Variants in EXOC6B observed in about 807,000 individuals in gnomAD.
EXOC6B encodes the protein exocyst complex component 6B, also known as SEC15 homolog B.
A neutral mutation model predicts 113.5 loss-of-function variants in EXOC6B; 54 were observed. The ratio of observed to expected loss-of-function variants is 0.48; its 90% CI spans 0.38 to 0.60. The LOEUF is 0.60. EXOC6B is among the 20% of genes least tolerant of loss of function. The pLI is 0.00. For synonymous variants in EXOC6B, 357 were observed against 339.0 expected (o/e 1.05, Z -0.58); for missense variants, 797 against 977.5 (o/e 0.82, Z 2.46).
chr2:72,587,820 GCAA>G (rs1158139466), intron 6 of EXOC6B, among the ~76,000 whole-genome samples: 1 of 151,396 alleles, frequency 6.6e-6, no homozygotes, highest in Non-Finnish European at 1.5e-5. Flanking sequence ...TTCCTTAAAT[GCAA>G]CAACAACAAC....
chr2:72,485,400 T>G (rs371023289), intron 16 of EXOC6B, among the ~76,000 whole-genome samples: 14 of 152,314 alleles, frequency 9.2e-5, no homozygotes, highest in African/African-American at 2.6e-4. Context: ...AGTCACACTC[T>G]TCTTCATGCC....
At chr2:72,433,337 G>A (rs1357779602) in intron 18 of EXOC6B, among the ~76,000 whole-genome samples, 1 of 152,150 alleles carries the variant, frequency 6.6e-6, no homozygotes, top group Non-Finnish European at 1.5e-5. Flanking sequence ...AAGTCAGGTA[G>A]TGTGATGCCT....
At chr2:72,441,456 AC>A (rs1006349203) in intron 18 of EXOC6B, among the ~76,000 whole-genome samples, 1 of 151,380 alleles carries the variant, frequency 6.6e-6, no homozygotes, top group Non-Finnish European at 1.5e-5. Context: ...AAATAAAGAA[AC>A]TTTTTTTGAA....
At chr2:72,254,079 G>A (rs1683192802) in intron 20 of EXOC6B, among the ~76,000 whole-genome samples, 1 of 151,906 alleles carries the variant, frequency 6.6e-6, no homozygotes. Context: ...AGAATGGTGT[G>A]AACCCAGGAG....
chr2:72,370,489 T>G (rs1282227889), intron 19 of EXOC6B, among the ~76,000 whole-genome samples: 2 of 152,192 alleles, frequency 1.3e-5, no homozygotes, highest in Non-Finnish European at 2.9e-5. Context: ...AAATACCATT[T>G]GACCCAGCCA....
At chr2:72,394,368 A>G (rs985456119) in intron 18 of EXOC6B, among the ~76,000 whole-genome samples, 3 of 152,158 alleles carry the variant, frequency 2.0e-5, no homozygotes, top group South Asian at 2.1e-4. Flanking sequence ...TAAGTGCTAA[A>G]TTGAGCATAA....
chr2:72,788,029 G>A (rs899291061), intron 1 of EXOC6B, among the ~76,000 whole-genome samples: 1 of 152,160 alleles, frequency 6.6e-6, no homozygotes, highest in African/African-American at 2.4e-5. Flanking sequence ...AAAGGGATGA[G>A]ATAATGCCTA....
At chr2:72,213,298 G>C (rs961537959) in intron 20 of EXOC6B, among the ~76,000 whole-genome samples, 3 of 152,146 alleles carry the variant, frequency 2.0e-5, no homozygotes, top group Non-Finnish European at 4.4e-5. Context: ...GCTGAGCCCT[G>C]GCCAAATTCC....
intron 6 of EXOC6B, among the ~76,000 whole-genome samples, chr2:72,706,780 G>C (rs903330028): frequency 6.6e-6 from 1 of 152,142 alleles, no homozygotes; most frequent in Non-Finnish European, 1.5e-5. Context: ...ATCCTATCAA[G>C]AGATAGGTGT....
At chr2:72,305,935 T>C (rs1310979022) in intron 20 of EXOC6B, among the ~76,000 whole-genome samples, 1 of 152,172 alleles carries the variant, frequency 6.6e-6, no homozygotes, top group Non-Finnish European at 1.5e-5. Context: ...AGTTCTGATT[T>C]TGTTTACATA....
At chr2:72,362,126 A>G (rs1210564356) in intron 19 of EXOC6B, among the ~76,000 whole-genome samples, 2 of 152,172 alleles carry the variant, frequency 1.3e-5, no homozygotes, top group Non-Finnish European at 2.9e-5. Flanking sequence ...AAAGAATTAA[A>G]CCAAAGCATA....
At chr2:72,267,089 T>C (rs1368070675) in intron 20 of EXOC6B, among the ~76,000 whole-genome samples, 3 of 152,162 alleles carry the variant, frequency 2.0e-5, no homozygotes. Flanking sequence ...ATGCTTGTGA[T>C]TTTTGTACAT....
At chr2:72,252,245 CAG>C (rs750598180) in intron 20 of EXOC6B, among the ~76,000 whole-genome samples, 1 of 152,118 alleles carries the variant, frequency 6.6e-6, no homozygotes, top group Non-Finnish European at 1.5e-5. Context: ...TTTATATAAA[CAG>C]GGGTAAAATT....
At chr2:72,615,317 A>G (rs1302946674) in intron 6 of EXOC6B, among the ~76,000 whole-genome samples, 1 of 152,140 alleles carries the variant, frequency 6.6e-6, no homozygotes, top group African/African-American at 2.4e-5. Context: ...TGAATCTTAC[A>G]TTACTATTTC....
In EXOC6B at chr2:72,193,317, C is replaced by A. The variant is rs1678969152; in HGVS notation, c.2197-9130G>T. ...AAAAGCATAGAATTGACCAATGACC[C>A]ATTTGTGTTTATTGCCCAAGATTTC... On this transcript the variant is annotated intron_variant, in intron 20 of 21. Coordinates refer to ENST00000272427, the MANE Select transcript of EXOC6B (RefSeq NM_015189.3). 2.0e-5 allele frequency among the ~76,000 whole-genome samples: 3 copies of A among 152,098 alleles called. No homozygotes were observed. In the South Asian group the frequency reaches 6.2e-4, roughly 32 times the overall value.
Position 72,481,115 on chromosome 2 carries a change from C to G in EXOC6B, c.1666-365G>C, listed in dbSNP as rs553751870. On this transcript the variant is annotated intron_variant, in intron 16 of 21. Transcript: ENST00000272427. ...TTTATAAGGGGCTCTTCCCCCTTCACTCACACTTCTCCTTCTTGCTGCCCT... is the reference window on the plus strand; with the variant it reads ...TTTATAAGGGGCTCTTCCCCCTTCAGTCACACTTCTCCTTCTTGCTGCCCT... 2.5e-3 allele frequency among the ~76,000 whole-genome samples: 378 copies of G among 152,286 alleles called. 2 individuals carry two copies. The highest frequency in any genetic ancestry group is 8.3e-3 in the African/African-American group (347 of 41,570).
chr2:72,449,445 A>G (rs1696782722), intron 18 of EXOC6B, among the ~76,000 whole-genome samples: 1 of 150,888 alleles, frequency 6.6e-6, no homozygotes, highest in Non-Finnish European at 1.5e-5. Context: ...TGCTGGAATT[A>G]CAAGCGTGAG....
At chr2:72,445,508 G>C (rs930127096) in intron 18 of EXOC6B, among the ~76,000 whole-genome samples, 4 of 152,126 alleles carry the variant, frequency 2.6e-5, no homozygotes, top group Non-Finnish European at 5.9e-5. Flanking sequence ...CCCGAGACTA[G>C]AGAATTTACA....
chr2:72,595,959 A>G (rs1558828651), intron 6 of EXOC6B, among the ~76,000 whole-genome samples: 1 of 152,168 alleles, frequency 6.6e-6, no homozygotes, highest in Non-Finnish European at 1.5e-5. Flanking sequence ...TGAAGTCTAA[A>G]AATCTTATCA....
Sources: allele counts gnomAD v4.1 joint callset (sites outside exome capture counted in the v4.1 genomes callset), GRCh38; gene constraint gnomAD v4.1.1; transcripts MANE v1.5; gene names NCBI Gene and HGNC (gene_info 2026-07-23, HGNC 2026-07-21).